The following PCDH15 variants were observed in gnomAD, a reference collection of about 807,000 sequenced individuals.
The protein encoded by PCDH15 is protocadherin related 15.
A neutral mutation model predicts 178.5 loss-of-function variants in PCDH15; 129 were observed. The observed-to-expected ratio is 0.72, with a 90% confidence interval of 0.63 to 0.84. The LOEUF is 0.84. Among genes scored for constraint, PCDH15 ranks in the 40% least tolerant of loss-of-function variants. The pLI, the probability that PCDH15 is intolerant of heterozygous loss-of-function variation, is 0.00. For synonymous variants in PCDH15, 800 were observed against 732.0 expected (o/e 1.09, Z -1.50); for missense variants, 2,230 against 2,099.9 (o/e 1.06, Z -1.21).
chr10:54,853,273 A>ATG (rs1953661169), intron 3 of PCDH15, among the ~76,000 whole-genome samples: 1 of 114,396 alleles, frequency 8.7e-6, no homozygotes, highest in Non-Finnish European at 1.8e-5. Flanking sequence ...ATATATATAT[A>ATG]TGTGTATGTA....
At chr10:54,174,998 A>G (rs955866728) in intron 13 of PCDH15, among the ~76,000 whole-genome samples, 5 of 152,014 alleles carry the variant, frequency 3.3e-5, no homozygotes, top group African/African-American at 4.8e-5. Flanking sequence ...CAAGAAATGG[A>G]GTGGTCTTTA....
At chr10:53,888,622 G>T (rs1249384526) in intron 26 of PCDH15, among the ~76,000 whole-genome samples, 5 of 43,702 alleles carry the variant, frequency 1.1e-4, no homozygotes, top group African/African-American at 2.4e-4. Flanking sequence ...AACATGTGTT[G>T]GTTTCTTATG....
At chr10:55,350,228 CATATATATATATATAT>C (rs869240598) in intron 2 of PCDH15, among the ~76,000 whole-genome samples, 21 of 73,472 alleles carry the variant, frequency 2.9e-4, no homozygotes, top group Middle Eastern at 8.1e-3. Context: ...TATATAAACT[CATATATATATATATAT>C]ATATATATAT....
chr10:54,273,999 G>T (rs1254901934), intron 8 of PCDH15, among the ~76,000 whole-genome samples: 1 of 152,068 alleles, frequency 6.6e-6, no homozygotes, highest in Non-Finnish European at 1.5e-5. Context: ...TGTGGATGTA[G>T]TTGGAGGCCA....
At chr10:54,965,608 CAT>C (rs71461263) in intron 2 of PCDH15, among the ~76,000 whole-genome samples, 12,165 of 141,104 alleles carry the variant, frequency 0.086, 555 homozygotes, top group African/African-American at 0.12. Context: ...AACTTTGCTT[CAT>C]ATATATATAT....
intron 1 of PCDH15, among the ~76,000 whole-genome samples, chr10:55,307,439 C>T (rs1843458043): frequency 6.6e-6 from 1 of 151,440 alleles, no homozygotes; most frequent in Non-Finnish European, 1.5e-5. Context: ...GGAGGCTGAG[C>T]TTGCAGTGAG....
intron 2 of PCDH15, among the ~76,000 whole-genome samples, chr10:55,471,411 G>A (rs188829947): frequency 1.8e-3 from 272 of 152,286 alleles, no homozygotes; most frequent in African/African-American, 5.8e-3. Context: ...GTCATATACT[G>A]TATAATCACT....
chr10:55,375,984 A>ATAG, intron 2 of PCDH15, among the ~76,000 whole-genome samples: 2 of 152,104 alleles, frequency 1.3e-5, no homozygotes, highest in South Asian at 4.2e-4. Flanking sequence ...CTATAAAAAT[A>ATAG]GTTAATATAA....
chr10:54,486,561 TTTC>T (rs1021207586), intron 3 of PCDH15, among the ~76,000 whole-genome samples: 4 of 151,812 alleles, frequency 2.6e-5, no homozygotes, highest in Admixed American at 1.3e-4. Context: ...TCTTCCTTTC[TTTC>T]TTCCTTTCCC....
chr10:54,852,830 G>C (rs1823670741), intron 3 of PCDH15, among the ~76,000 whole-genome samples: 1 of 149,958 alleles, frequency 6.7e-6, no homozygotes, highest in African/African-American at 2.5e-5. Flanking sequence ...TCCAGCCTGG[G>C]CAACAGACTG....
chr10:55,388,144 G>A (rs1321110489), intron 2 of PCDH15, among the ~76,000 whole-genome samples: 2 of 152,040 alleles, frequency 1.3e-5, no homozygotes, highest in African/African-American at 4.8e-5. Flanking sequence ...TCTGTAGCTT[G>A]GGCAGGAACG....
chr10:53,894,546 G>C (rs1440658421), intron 26 of PCDH15, among the ~76,000 whole-genome samples: 8 of 152,134 alleles, frequency 5.3e-5, no homozygotes, highest in Admixed American at 5.2e-4. Context: ...GTTTGCATCT[G>C]TTCTATATGT....
chr10:54,022,693 T>G (rs1190305122), intron 19 of PCDH15, among the ~76,000 whole-genome samples, 199 bp downstream of exon 19: 1 of 152,146 alleles, frequency 6.6e-6, no homozygotes, highest in East Asian at 1.9e-4. Flanking sequence ...CCTTAATTTT[T>G]GGGATATCTT....
intron 2 of PCDH15, among the ~76,000 whole-genome samples, chr10:55,138,447 A>G (rs1275949934): frequency 6.6e-6 from 1 of 152,006 alleles, no homozygotes; most frequent in Non-Finnish European, 1.5e-5. Flanking sequence ...TCCTGTGGCA[A>G]TCTTGTGACT....
At chr10:54,773,735 A>T (rs1413905864) in intron 1 of PCDH15, among the ~76,000 whole-genome samples, 1 of 152,182 alleles carries the variant, frequency 6.6e-6, no homozygotes, top group East Asian at 1.9e-4. Context: ...GACTAGAAAC[A>T]CTATTTTAAA....
intron 2 of PCDH15, among the ~76,000 whole-genome samples, chr10:55,565,864 A>G (rs539155919): frequency 1.3e-5 from 2 of 151,784 alleles, no homozygotes; most frequent in African/African-American, 4.8e-5. Context: ...CCTGACAACA[A>G]AAGCCCTGGA....
chr10:53,823,024 C>A (rs780861426), intron 32 of PCDH15: 1 of 1,614,016 alleles, frequency 6.2e-7, no homozygotes. Flanking sequence ...TGAATCTTTT[C>A]TCTTGGGCCC....
chr10:54,556,654 ATTTT>A (rs35389224), intron 2 of PCDH15, among the ~76,000 whole-genome samples: 1 of 137,496 alleles, frequency 7.3e-6, no homozygotes, highest in East Asian at 2.1e-4. Flanking sequence ...TAGGGGGTGA[ATTTT>A]TTTTTTTTTT....
intron 2 of PCDH15, among the ~76,000 whole-genome samples, chr10:55,406,068 T>TA (rs34959833): frequency 0.51 from 72,573 of 143,498 alleles, 18,815 homozygotes; most frequent in African/African-American, 0.61. Flanking sequence ...TGTTCCCATC[T>TA]AAAAAAAAAA....
Sources: gnomAD v4.1 joint callset for allele counts (sites outside exome capture counted in the v4.1 genomes callset) on GRCh38, gnomAD v4.1.1 for gene constraint, MANE v1.5 for transcripts, NCBI Gene and HGNC (gene_info 2026-07-23, HGNC 2026-07-21) for gene names.